CPA6: variants seen among roughly 807,000 people sequenced by gnomAD.
The protein encoded by CPA6 is carboxypeptidase A6.
In CPA6, 58 loss-of-function variants were observed where a neutral mutation model predicts 63.3. The observed-to-expected ratio is 0.92, with a 90% CI of 0.74 to 1.14. CPA6 has a LOEUF of 1.14. Ranked by LOEUF, CPA6 falls within the 50% of genes most tolerant of loss-of-function variation. The pLI is 0.00. For missense variants in CPA6, 565 were observed against 526.6 expected, an observed-to-expected ratio of 1.07 and a Z score of -0.71; for synonymous variants, 185 against 179.0, an observed-to-expected ratio of 1.03 and a Z score of -0.27.
At chr8:67,624,277 T>C (rs375270734) in intron 1 of CPA6, 26 bp from the exon 2 acceptor site, 13 of 1,271,276 alleles carry the variant, frequency 1.0e-5, no homozygotes, top group Non-Finnish European at 1.5e-5. Flanking sequence ...AGAAAGATGA[T>C]AATTACTTTT....
intron 4 of CPA6, among the ~76,000 whole-genome samples, chr8:67,509,872 CCATA>C (rs1226100110): frequency 6.6e-6 from 1 of 152,078 alleles, no homozygotes; most frequent in Non-Finnish European, 1.5e-5. Flanking sequence ...CCTTCTACTA[CCATA>C]TATCATTAAT....
At chr8:67,703,626 G>A (rs1441815648) in intron 1 of CPA6, among the ~76,000 whole-genome samples, 1 of 152,160 alleles carries the variant, frequency 6.6e-6, no homozygotes, top group Non-Finnish European at 1.5e-5. Context: ...TGCACCCATG[G>A]CTCTTGCTGC....
chr8:67,523,833 T>C (rs559102119), intron 2 of CPA6, among the ~76,000 whole-genome samples: 1 of 152,310 alleles, frequency 6.6e-6, no homozygotes, highest in African/African-American at 2.4e-5. Flanking sequence ...TGTGGGAAGA[T>C]GTGTAAGGTG....
chr8:67,734,153 C>T (rs564065931), intron 1 of CPA6, among the ~76,000 whole-genome samples: 2 of 151,790 alleles, frequency 1.3e-5, no homozygotes, highest in South Asian at 4.2e-4. Context: ...ACTGGGATTA[C>T]AAGTGTGAGC....
chr8:67,496,808 C>T (rs1811729417), intron 6 of CPA6, among the ~76,000 whole-genome samples: 1 of 151,914 alleles, frequency 6.6e-6, no homozygotes, highest in Non-Finnish European at 1.5e-5. Flanking sequence ...ATCTGCCCAC[C>T]TTGGCCTCCC....
chr8:67,684,571 C>T (rs1331101844), intron 1 of CPA6, among the ~76,000 whole-genome samples: 1 of 152,110 alleles, frequency 6.6e-6, no homozygotes, highest in Non-Finnish European at 1.5e-5. Flanking sequence ...CATGCGTACC[C>T]GGCCTCTCTC....
chr8:67,622,775 A>C (rs899954812), intron 2 of CPA6, among the ~76,000 whole-genome samples: 2 of 152,200 alleles, frequency 1.3e-5, no homozygotes, highest in Admixed American at 6.5e-5. Flanking sequence ...TACTTCAGTC[A>C]TGTAGGAAAA....
chr8:67,696,965 C>G (rs1248121114), intron 1 of CPA6, among the ~76,000 whole-genome samples: 1 of 152,194 alleles, frequency 6.6e-6, no homozygotes, highest in Non-Finnish European at 1.5e-5. Flanking sequence ...GAACTGCATA[C>G]TTGAGTGATT....
chr8:67,444,585 A>G (rs181678327), intron 8 of CPA6, among the ~76,000 whole-genome samples: 1 of 151,784 alleles, frequency 6.6e-6, no homozygotes, highest in Admixed American at 6.5e-5. Context: ...GGAGTTCGAG[A>G]TCAGTCTGAA....
chr8:67,732,973 G>C (rs555714754), intron 1 of CPA6, among the ~76,000 whole-genome samples: 1 of 151,932 alleles, frequency 6.6e-6, no homozygotes, highest in East Asian at 1.9e-4. Flanking sequence ...GAGGCGGGCG[G>C]ATCATGAGGT....
At chr8:67,700,091 A>G (rs1365323364) in intron 1 of CPA6, among the ~76,000 whole-genome samples, 1 of 152,186 alleles carries the variant, frequency 6.6e-6, no homozygotes, top group African/African-American at 2.4e-5. Flanking sequence ...TATAAAACTG[A>G]GTTTTTTTAA....
At chr8:67,646,003 T>C (rs1293454256) in intron 1 of CPA6, among the ~76,000 whole-genome samples, 3 of 152,152 alleles carry the variant, frequency 2.0e-5, no homozygotes, top group Non-Finnish European at 4.4e-5. Context: ...ATGCCTGAGA[T>C]AAAAAGTTCT....
intron 1 of CPA6, among the ~76,000 whole-genome samples, chr8:67,726,912 A>G (rs1817606481): frequency 6.6e-6 from 1 of 152,172 alleles, no homozygotes; most frequent in Non-Finnish European, 1.5e-5. Context: ...CTTTTCAGTC[A>G]TTAGTTTGGC....
intron 1 of CPA6, among the ~76,000 whole-genome samples, chr8:67,658,041 C>T (rs945137902): frequency 1.3e-5 from 2 of 152,200 alleles, no homozygotes; most frequent in African/African-American, 2.4e-5. Flanking sequence ...GCGTCCTTTT[C>T]GTTTCCTTGG....
At chr8:67,499,456 C>T (rs1563977339) in intron 6 of CPA6, among the ~76,000 whole-genome samples, 1 of 152,278 alleles carries the variant, frequency 6.6e-6, no homozygotes, top group East Asian at 1.9e-4. Flanking sequence ...AATTAGGGTC[C>T]ACATGTAATT....
chr8:67,594,068 G>C (rs1436859947), intron 2 of CPA6, among the ~76,000 whole-genome samples: 1 of 151,360 alleles, frequency 6.6e-6, no homozygotes, highest in Non-Finnish European at 1.5e-5. Context: ...AGCTCTTGTA[G>C]GGCAGGCCTG....
intron 8 of CPA6, among the ~76,000 whole-genome samples, chr8:67,482,045 G>C (rs749707095): frequency 2.6e-5 from 4 of 152,216 alleles, no homozygotes; most frequent in African/African-American, 4.8e-5. Context: ...AAGAGTCAAA[G>C]GAATTCTAGT....
At chr8:67,543,475 A>G (rs187855019) in intron 2 of CPA6, among the ~76,000 whole-genome samples, 194 of 152,316 alleles carry the variant, frequency 1.3e-3, no homozygotes, top group East Asian at 4.0e-3. Flanking sequence ...TTTCTGTTTG[A>G]CAAATACACA....
intron 1 of CPA6, among the ~76,000 whole-genome samples, chr8:67,702,179 T>C (rs2623791): frequency 0.24 from 36,285 of 151,726 alleles, 4,500 homozygotes; most frequent in South Asian, 0.36. Flanking sequence ...CACACTGACA[T>C]AGAAAACACT....
Sources: gnomAD v4.1 joint callset for allele counts (sites outside exome capture counted in the v4.1 genomes callset) on GRCh38, gnomAD v4.1.1 for gene constraint, MANE v1.5 for transcripts, NCBI Gene and HGNC (gene_info 2026-07-23, HGNC 2026-07-21) for gene names.